ELP4: variants seen among roughly 807,000 people sequenced by gnomAD.
ELP4 encodes the protein elongator acetyltransferase complex subunit 4.
Under a neutral mutation model 48.9 loss-of-function variants are expected in ELP4, and 51 were observed. The ratio of observed to expected loss-of-function variants is 1.04; its 90% CI spans 0.83 to 1.32. ELP4 has a LOEUF of 1.32. Among genes scored for constraint, ELP4 ranks in the 40% most tolerant of loss-of-function variants. The pLI, the probability that ELP4 is intolerant of heterozygous loss-of-function variation, is 0.00. For missense variants in ELP4, 519 were observed against 514.6 expected, an observed-to-expected ratio of 1.01 and a Z score of -0.08; for synonymous variants, 210 against 189.2, an observed-to-expected ratio of 1.11 and a Z score of -0.90.
chr11:31,613,678 A>T, intron 5 of ELP4, among the ~76,000 whole-genome samples: 1 of 144,920 alleles, frequency 6.9e-6, no homozygotes, highest in Non-Finnish European at 1.5e-5. Context: ...TATTCTTTGT[A>T]TGTTTTATAC....
intron 9 of ELP4, among the ~76,000 whole-genome samples, chr11:31,755,424 A>G (rs1004665384): frequency 3.9e-5 from 6 of 152,200 alleles, no homozygotes; most frequent in African/African-American, 1.4e-4. Context: ...ACAGACACCA[A>G]CTTGACAAAA....
Position 31,632,272 on chromosome 11 carries a change from G to A in ELP4, c.794G>A (p.Trp265Ter). Residue 265 changes from tryptophan (W) to a stop codon, truncating the protein, a stop_gained, in exon 7 of 10, where the codon TGG (tryptophan) becomes TAG (stop). Coordinates refer to ENST00000640961, the MANE Select transcript of ELP4 (RefSeq NM_019040.5). LOFTEE classifies it high-confidence loss of function. ...IGIQNLGSPL[W>*]GDDICCAENG... ...ATTCAGAATCTTGGCTCACCTTTAT[G>A]GGGAGACGATATTTGCTGTGCAGAA... The A allele has an allele frequency of 6.2e-7, 1 of 1,612,766 alleles. No individual in the cohort carries two copies. The highest frequency in any genetic ancestry group is 1.1e-5 in the South Asian group (1 of 90,912).
intron 3 of ELP4, among the ~76,000 whole-genome samples, chr11:31,568,386 C>G (rs1243253446): frequency 1.3e-5 from 2 of 152,178 alleles, no homozygotes; most frequent in African/African-American, 4.8e-5. Context: ...GGATTCAACA[C>G]TACTTCCATC....
chr11:31,509,894 G>A lies in ELP4; in HGVS notation c.110G>A (p.Ser37Asn). 1 of 1,614,152 alleles carries A rather than the reference G, an allele frequency of 6.2e-7. No homozygotes were observed. The highest frequency in any genetic ancestry group is 1.1e-5 in the South Asian group (1 of 91,082). Residue 37 changes from serine to asparagine, a missense_variant, in exon 1 of 10, where the codon AGC (serine) becomes AAC (asparagine). Coordinates refer to ENST00000640961, the MANE Select transcript of ELP4 (RefSeq NM_019040.5). ...TTCCAGAGGAGGGGTCCTAGAGCCA[G>A]CGTGACCAACGACAGCGGCCCTCGA... ...TSFQRRGPRA[S>N]VTNDSGPRLV... is the part of the protein sequence containing the mutation.
chr11:31,611,877 G>T (rs1312284190), intron 5 of ELP4, among the ~76,000 whole-genome samples: 2 of 152,148 alleles, frequency 1.3e-5, no homozygotes, highest in African/African-American at 2.4e-5. Flanking sequence ...GAGGGCAGTG[G>T]GTATACCTTG....
chr11:31,790,076 G>A lies in ELP4; in HGVS notation c.*6552G>A, dbSNP rs1949283027. ...ATATTCCCTTTGAGAAACAGACATG[G>A]AATACAAATTTATAGGTTTACAAAA... is the stretch of plus-strand genomic sequence containing the variant. On this transcript the variant is annotated 3_prime_UTR_variant, in exon 10 of 10. Coordinates refer to ENST00000640961, the MANE Select transcript of ELP4 (RefSeq NM_019040.5). 5 of 272,370 alleles carry A rather than the reference G, an allele frequency of 1.8e-5. No individual in the cohort carries two copies. Among genetic ancestry groups the A allele is most frequent in the Non-Finnish European group, 3.3e-5 (5 of 150,532 alleles). 16.9% of individuals were successfully genotyped at this position (272,370 alleles called of 1,614,324 possible).
At chr11:31,604,958 C>T (rs1270115034) in intron 5 of ELP4, among the ~76,000 whole-genome samples, 1 of 151,992 alleles carries the variant, frequency 6.6e-6, no homozygotes, top group East Asian at 1.9e-4. Flanking sequence ...TATATTAACC[C>T]TATACAGGGT....
chr11:31,593,226 A>ATTGTTGTTGTTG (rs1957614495), intron 3 of ELP4, among the ~76,000 whole-genome samples: 3 of 92,546 alleles, frequency 3.2e-5, no homozygotes, highest in Non-Finnish European at 6.4e-5. Flanking sequence ...AGTGAATAAT[A>ATTGTTGTTGTTG]CTGTTGTTGT....
intron 9 of ELP4, among the ~76,000 whole-genome samples, chr11:31,725,179 T>C (rs1422622540): frequency 6.6e-6 from 1 of 152,208 alleles, no homozygotes; most frequent in East Asian, 1.9e-4. Flanking sequence ...ACGGGCTAGA[T>C]GTTTGAGTTT....
intron 9 of ELP4, among the ~76,000 whole-genome samples, chr11:31,742,469 T>C (rs919128752): frequency 2.0e-5 from 3 of 151,932 alleles, no homozygotes; most frequent in Non-Finnish European, 4.4e-5. Context: ...AAAGTTGAAA[T>C]GAAGGAAAAA....
At chr11:31,696,391 G>A (rs1946407363) in intron 9 of ELP4, among the ~76,000 whole-genome samples, 1 of 152,122 alleles carries the variant, frequency 6.6e-6, no homozygotes, top group Non-Finnish European at 1.5e-5. Flanking sequence ...TGGTTTCGAA[G>A]AACATCTTTA....
intron 3 of ELP4, among the ~76,000 whole-genome samples, chr11:31,550,256 C>A (rs908088104): frequency 1.2e-4 from 18 of 151,472 alleles, no homozygotes; most frequent in Admixed American, 5.9e-4. Flanking sequence ...CTTTTTTTCT[C>A]ATTTTGTAAA....
At chr11:31,731,918 TG>T (rs1947198426) in intron 9 of ELP4, among the ~76,000 whole-genome samples, 2 of 151,318 alleles carry the variant, frequency 1.3e-5, no homozygotes, top group South Asian at 4.1e-4. Flanking sequence ...AAGTGCTGAA[TG>T]AAAAAAAAAA....
At position 31,783,708 on chromosome 11, in the gene ELP4, T is replaced by C. The variant is rs1948430397; in HGVS notation, c.*184T>C. On this transcript the variant is annotated 3_prime_UTR_variant, in exon 10 of 10. Coordinates refer to ENST00000640961, the MANE Select transcript of ELP4 (RefSeq NM_019040.5). ...CAGAACTAGCACAGCAGAAATACTT[T>C]TAAATTTTTCCTTCATGCTCTAGAG... 3.8e-6 allele frequency: 2 copies of C among 523,864 alleles called. No individual in the cohort carries two copies. The highest frequency in any genetic ancestry group is 6.4e-5 in the East Asian group (2 of 31,442). 32.5% of individuals were successfully genotyped at this position (523,864 alleles called of 1,614,324 possible). A position where few individuals can be genotyped will look rare whatever the true frequency, so the allele number is the denominator to read the frequency against.
chr11:31,644,461 A>G (rs1945161937), intron 7 of ELP4, among the ~76,000 whole-genome samples: 1 of 151,814 alleles, frequency 6.6e-6, no homozygotes, highest in South Asian at 2.1e-4. Flanking sequence ...AACACTTGGA[A>G]TCTGTTAAAA....
chr11:31,613,162 G>T (rs973126600), intron 5 of ELP4, among the ~76,000 whole-genome samples: 1 of 152,156 alleles, frequency 6.6e-6, no homozygotes, highest in African/African-American at 2.4e-5. Context: ...GAGATCAGGG[G>T]TGGTTACTGG....
At chr11:31,553,764 A>ACCCC (rs71060493) in intron 3 of ELP4, among the ~76,000 whole-genome samples, 3 of 141,964 alleles carry the variant, frequency 2.1e-5, no homozygotes, top group African/African-American at 7.7e-5. Context: ...ACACACACAC[A>ACCCC]CCCTATTGGT....
chr11:31,677,594 G>T (rs1945954866), intron 9 of ELP4, among the ~76,000 whole-genome samples: 1 of 152,010 alleles, frequency 6.6e-6, no homozygotes, highest in African/African-American at 2.4e-5. Context: ...GGTTATAGTA[G>T]TTGATTATAA....
chr11:31,788,033 T>C lies in ELP4; in HGVS notation c.*4509T>C, dbSNP rs1188802700. 7 of 222,630 alleles carry C rather than the reference T, an allele frequency of 3.1e-5. No homozygotes were observed. Among genetic ancestry groups the C allele is most frequent in the African/African-American group, 1.1e-4 (5 of 44,738 alleles). The allele number at this position is 222,630 out of a possible 1,614,324, so 13.8% of individuals were successfully genotyped here. On this transcript the variant is annotated 3_prime_UTR_variant, in exon 10 of 10. Transcript: ENST00000640961. Reference sequence around the variant, plus strand: ...AGTGAAGTTTGCAGAGGAAGACTTATCTGTATTGACTTATATGTTGCACAG... The same window carrying C: ...AGTGAAGTTTGCAGAGGAAGACTTACCTGTATTGACTTATATGTTGCACAG...
Sources: gnomAD v4.1 joint callset for allele counts (sites outside exome capture counted in the v4.1 genomes callset) on GRCh38, gnomAD v4.1.1 for gene constraint, MANE v1.5 for transcripts, NCBI Gene and HGNC (gene_info 2026-07-23, HGNC 2026-07-21) for gene names.